SLC39A10: variants seen among roughly 807,000 people sequenced by gnomAD.
SLC39A10 encodes zinc transporter ZIP10.
A neutral mutation model predicts 65.1 loss-of-function variants in SLC39A10; 13 were observed. That is an observed-to-expected ratio of 0.20 (90% CI 0.13 to 0.32). The LOEUF is 0.32. Among genes scored for constraint, SLC39A10 ranks in the 10% least tolerant of loss-of-function variants. The pLI is 1.00. For missense variants in SLC39A10, 831 were observed against 1,018.4 expected (o/e 0.82, Z 2.50); for synonymous variants, 321 against 342.2 (o/e 0.94, Z 0.68).
intron 1 of SLC39A10, among the ~76,000 whole-genome samples, chr2:195,665,480 A>T (rs1689599727): frequency 6.6e-6 from 1 of 152,190 alleles, no homozygotes; most frequent in Middle Eastern, 3.2e-3. Context: ...AAAAATAAAT[A>T]CTTGAAAAAC....
At chr2:195,630,781 T>G (rs1408245565) in intron 2 of SLC39A10, among the ~76,000 whole-genome samples, 1 of 152,240 alleles carries the variant, frequency 6.6e-6, no homozygotes, top group Non-Finnish European at 1.5e-5. Flanking sequence ...AACTGGTTAT[T>G]TCACTTGACA....
intron 3 of SLC39A10, among the ~76,000 whole-genome samples, chr2:195,696,866 A>C (rs1367533834): frequency 2.0e-5 from 3 of 152,204 alleles, no homozygotes; most frequent in Non-Finnish European, 4.4e-5. Context: ...CAGAGAATTT[A>C]TTTTAAGCAA....
intron 6 of SLC39A10, among the ~76,000 whole-genome samples, chr2:195,715,215 TAAAG>T (rs1224921296): frequency 4.6e-5 from 7 of 152,138 alleles, no homozygotes; most frequent in Non-Finnish European, 1.0e-4. Context: ...GGTATAATCA[TAAAG>T]AACTCTCTTA....
chr2:195,675,466 C>T (rs181020616), intron 1 of SLC39A10, among the ~76,000 whole-genome samples: 33 of 152,296 alleles, frequency 2.2e-4, no homozygotes, highest in Non-Finnish European at 3.8e-4. Flanking sequence ...GACATAGTCT[C>T]GCTCTGTCGC....
intron 1 of SLC39A10, among the ~76,000 whole-genome samples, chr2:195,677,771 C>A (rs1420149092): frequency 3.7e-5 from 5 of 135,704 alleles, no homozygotes; most frequent in East Asian, 2.2e-4. Context: ...TTTTTTTTGA[C>A]CAGAGTCTGT....
Position 195,620,644 on chromosome 2 carries a change from C to T in SLC39A10, c.-12+14411C>T, listed in dbSNP as rs191088530. 3.8e-3 allele frequency among the ~76,000 whole-genome samples: 585 copies of T among 152,188 alleles called. 1 individual carries two copies. The highest frequency in any genetic ancestry group is 5.6e-3 in the Non-Finnish European group (382 of 68,010). On this transcript the variant is annotated intron_variant, in intron 2 of 2. Coordinates refer to the SLC39A10 transcript ENST00000458054. ...TTCCTGATCCCCAGGAAAAGCCTAC[C>T]GCAAATACTGCCATAAAATCCCCAC...
intron 2 of SLC39A10, among the ~76,000 whole-genome samples, chr2:195,621,379 A>G (rs143427044): frequency 6.6e-6 from 1 of 152,376 alleles, no homozygotes; most frequent in African/African-American, 2.4e-5. Flanking sequence ...CCTTAAGTGC[A>G]TATTTAGAAT....
At chr2:195,652,807 G>A (rs1450516074), upstream of SLC39A10, among the ~76,000 whole-genome samples, 1 of 152,178 alleles carries the variant, frequency 6.6e-6, no homozygotes, top group Non-Finnish European at 1.5e-5. Context: ...TGTTAGGAAC[G>A]GGGCCACACA....
At position 195,712,009 on chromosome 2, in the gene SLC39A10, T is replaced by C. The variant is rs575395444; in HGVS notation, c.1576-1424T>C. On this transcript the variant is annotated intron_variant, in intron 5 of 9. Transcript: ENST00000359634. Reference sequence around the variant, plus strand: ...ACATTAACCATTACTTCTCTTATTCTCTGTGCCAGGATTCAAATGGGGAGT... The same window carrying C: ...ACATTAACCATTACTTCTCTTATTCCCTGTGCCAGGATTCAAATGGGGAGT... Among the ~76,000 whole-genome samples, 12 of 152,324 alleles carry C rather than the reference T, an allele frequency of 7.9e-5. 1 individual carries two copies. In the South Asian group the frequency reaches 1.4e-3, roughly 18 times the overall value.
At chr2:195,720,112 A>G (rs1421394227) in intron 8 of SLC39A10, among the ~76,000 whole-genome samples, 1 of 151,676 alleles carries the variant, frequency 6.6e-6, no homozygotes, top group Non-Finnish European at 1.5e-5. Context: ...TTTTTAGTAG[A>G]GACAGGGTTT....
Position 195,696,944 on chromosome 2 carries a change from A to G in SLC39A10, c.1217-9672A>G, listed in dbSNP as rs529674240. On this transcript the variant is annotated intron_variant, in intron 3 of 9. Coordinates refer to ENST00000359634, the MANE Select transcript of SLC39A10 (RefSeq NM_020342.3). ...GCCAAGCAGGTGACTTGAAAAATCA[A>G]GTGCCTGTGTGGAATCTTTAGGATT... Among the ~76,000 whole-genome samples, 160 of 152,284 alleles carry G rather than the reference A, an allele frequency of 1.1e-3. 1 individual carries two copies. Among genetic ancestry groups the G allele is most frequent in the African/African-American group, 3.6e-3 (150 of 41,556 alleles).
At position 195,657,254 on chromosome 2, in the gene SLC39A10, G is replaced by A. The variant is rs1689178842; in HGVS notation, c.-39G>A. The A allele has an allele frequency of 3.0e-6, 1 of 332,244 alleles. No individual in the cohort carries two copies. Among genetic ancestry groups the A allele is most frequent in the South Asian group, 1.2e-4 (1 of 8,370 alleles). 20.6% of individuals were successfully genotyped at this position (332,244 alleles called of 1,614,324 possible). A position where few individuals can be genotyped will look rare whatever the true frequency, so the allele number is the denominator to read the frequency against. The stretch of plus-strand genomic sequence containing the variant: ...GCCGGGGTTTGGTACCGAGCGGAGA[G>A]GAGATGCACACGGCACTCGAGTGTG... On this transcript the variant is annotated 5_prime_UTR_variant, in exon 1 of 10. Transcript: ENST00000359634.
chr2:195,625,890 T>C (rs2105692141), intron 2 of SLC39A10, among the ~76,000 whole-genome samples: 1 of 152,266 alleles, frequency 6.6e-6, no homozygotes. Context: ...GATCGAGCAA[T>C]TCTCCCACGT....
intron 7 of SLC39A10, chr2:195,717,463 A>G (rs842735): frequency 1 from 153,320 of 153,678 alleles, 76,488 homozygotes; most frequent in Middle Eastern, 1. Context: ...ACCAGTTAAA[A>G]GGAACATTAA....
intron 8 of SLC39A10, among the ~76,000 whole-genome samples, chr2:195,719,834 A>G (rs912394032): frequency 4.2e-5 from 6 of 143,864 alleles, no homozygotes; most frequent in Admixed American, 3.6e-4. Context: ...CTTGTTGCCC[A>G]GGATGGAGTA....
chr2:195,720,953 T>C (rs1019266216), intron 8 of SLC39A10, among the ~76,000 whole-genome samples: 10 of 152,160 alleles, frequency 6.6e-5, no homozygotes, highest in Non-Finnish European at 1.2e-4. Flanking sequence ...TATATTTTTT[T>C]CCCCCTGTAA....
At chr2:195,619,340 T>A (rs1035897293) in intron 2 of SLC39A10, among the ~76,000 whole-genome samples, 1 of 152,162 alleles carries the variant, frequency 6.6e-6, no homozygotes, top group African/African-American at 2.4e-5. Flanking sequence ...TGTAATAAAA[T>A]TGATTGACCT....
At chr2:195,670,623 G>T (rs1689822346) in intron 1 of SLC39A10, 1 of 152,096 alleles carries the variant, frequency 6.6e-6, no homozygotes, top group Non-Finnish European at 1.5e-5. Context: ...TTTAGAGTGT[G>T]TGTAAAACCT....
intron 2 of SLC39A10, among the ~76,000 whole-genome samples, chr2:195,633,100 C>T (rs949829316): frequency 6.6e-6 from 1 of 152,174 alleles, no homozygotes; most frequent in Non-Finnish European, 1.5e-5. Flanking sequence ...ATCAACAAGA[C>T]CAGTTTTTTC....
Sources: gnomAD v4.1 joint callset for allele counts (sites outside exome capture counted in the v4.1 genomes callset) on GRCh38, gnomAD v4.1.1 for gene constraint, MANE v1.5 for transcripts, NCBI Gene and HGNC (gene_info 2026-07-23, HGNC 2026-07-21) for gene names.